The following ERN1 variants were observed in gnomAD, a reference collection of about 807,000 sequenced individuals.
The protein encoded by ERN1 is serine/threonine-protein kinase/endoribonuclease IRE1.
ERN1 carries 39 observed loss-of-function variants against 113.1 expected under a neutral mutation model. The observed-to-expected ratio is 0.34, with a 90% CI of 0.27 to 0.45. The LOEUF (loss-of-function observed/expected upper bound fraction) is 0.45, where lower values mean the gene tolerates loss of function less well. Among genes scored for constraint, ERN1 ranks in the 20% least tolerant of loss-of-function variants. The pLI, the probability that ERN1 is intolerant of heterozygous loss-of-function variation, is 1.00. For synonymous variants in ERN1, 507 were observed against 515.9 expected (o/e 0.98, Z 0.23); for missense variants, 976 against 1,274.8 (o/e 0.77, Z 3.57).
intron 1 of ERN1, among the ~76,000 whole-genome samples, chr17:64,117,861 T>C (rs868614223): frequency 6.6e-6 from 1 of 152,252 alleles, no homozygotes; most frequent in Admixed American, 6.5e-5. Flanking sequence ...ATAATGTATT[T>C]ACCATGCTGT....
intron 12 of ERN1, among the ~76,000 whole-genome samples, chr17:64,056,326 G>C (rs1231937845): frequency 6.6e-6 from 1 of 152,240 alleles, no homozygotes; most frequent in Non-Finnish European, 1.5e-5. Flanking sequence ...TAGCATGGCT[G>C]AGCCAGTGGT....
At chr17:64,070,951 T>C (rs1913394695) in intron 6 of ERN1, among the ~76,000 whole-genome samples, 1 of 152,208 alleles carries the variant, frequency 6.6e-6, no homozygotes, top group Admixed American at 6.5e-5. Context: ...ATATGCCTGA[T>C]GTAGAGAGAC....
At chr17:64,125,575 A>G (rs982624856) in intron 1 of ERN1, among the ~76,000 whole-genome samples, 3 of 152,100 alleles carry the variant, frequency 2.0e-5, no homozygotes, top group African/African-American at 7.2e-5. Context: ...TGCAACCTCT[A>G]CCTCCCAGGT....
At chr17:64,066,333 G>A (rs1017564866) in intron 8 of ERN1, among the ~76,000 whole-genome samples, 1 of 152,048 alleles carries the variant, frequency 6.6e-6, no homozygotes, top group Non-Finnish European at 1.5e-5. Context: ...CAGGGGGAGG[G>A]TCTTGCCATG....
chr17:64,064,927 G>C (rs1045479772), intron 9 of ERN1, among the ~76,000 whole-genome samples: 7 of 152,140 alleles, frequency 4.6e-5, no homozygotes, highest in Admixed American at 4.6e-4. Flanking sequence ...AGGGCATCGT[G>C]GGACTGGATG....
chr17:64,085,418 T>C (rs1395950743), intron 2 of ERN1, among the ~76,000 whole-genome samples: 1 of 152,014 alleles, frequency 6.6e-6, no homozygotes, highest in African/African-American at 2.4e-5. Flanking sequence ...TTAAGAACCA[T>C]CTCTCACAGG....
At chr17:64,050,790 A>G (rs939386581) in intron 17 of ERN1, among the ~76,000 whole-genome samples, 1 of 152,238 alleles carries the variant, frequency 6.6e-6, no homozygotes, top group Non-Finnish European at 1.5e-5. Context: ...TTAAGTTAAA[A>G]TTAAGTGTTA....
intron 4 of ERN1, among the ~76,000 whole-genome samples, chr17:64,078,486 T>C (rs1039258013): frequency 1.1e-4 from 17 of 152,356 alleles, no homozygotes; most frequent in Admixed American, 3.9e-4. Context: ...ATTGATTTTT[T>C]CCTAAATTTA....
At chr17:64,109,001 G>A (rs1006615640) in intron 1 of ERN1, among the ~76,000 whole-genome samples, 2 of 152,092 alleles carry the variant, frequency 1.3e-5, no homozygotes, top group Non-Finnish European at 2.9e-5. Context: ...GCGGGCACCT[G>A]TAATCCCAAT....
intron 17 of ERN1, among the ~76,000 whole-genome samples, chr17:64,052,460 A>G (rs1430963602): frequency 6.6e-6 from 1 of 151,792 alleles, no homozygotes; most frequent in African/African-American, 2.4e-5. Context: ...AGCTGAGATC[A>G]TGCCACTACA....
intron 11 of ERN1, among the ~76,000 whole-genome samples, chr17:64,059,252 C>T (rs1240172353): frequency 6.6e-6 from 1 of 152,204 alleles, no homozygotes; most frequent in African/African-American, 2.4e-5. Flanking sequence ...ATACTGTGCC[C>T]TGGAATCTTG....
intron 3 of ERN1, 42 bp downstream of exon 3, chr17:64,080,733 G>A (rs1567873250): frequency 1.9e-6 from 3 of 1,587,092 alleles, no homozygotes; most frequent in Non-Finnish European, 2.6e-6. Context: ...GAATGAAGAA[G>A]ACTGAATTAA....
intron 2 of ERN1, among the ~76,000 whole-genome samples, chr17:64,086,839 G>C (rs1913947672): frequency 6.6e-6 from 1 of 151,314 alleles, no homozygotes; most frequent in South Asian, 2.1e-4. Flanking sequence ...TAGAGATGGG[G>C]TTTCACCTAT....
intron 1 of ERN1, among the ~76,000 whole-genome samples, chr17:64,123,906 T>C (rs536824675): frequency 2.6e-4 from 40 of 152,340 alleles, no homozygotes; most frequent in South Asian, 1.9e-3. Flanking sequence ...AGAATTAAGC[T>C]GATTGACATA....
chr17:64,115,789 T>C (rs912778728), intron 1 of ERN1, among the ~76,000 whole-genome samples: 5 of 152,170 alleles, frequency 3.3e-5, no homozygotes, highest in Non-Finnish European at 5.9e-5. Context: ...GGGCAAGTCA[T>C]TAGATTTTTC....
intron 8 of ERN1, 42 bp downstream of exon 8, chr17:64,066,629 A>G (rs994504860): frequency 2.5e-6 from 4 of 1,606,794 alleles, no homozygotes; most frequent in Non-Finnish European, 2.6e-6. Context: ...CCAGAACACG[A>G]AGGCCACGGC....
chr17:64,057,017 T>C (rs529727534), intron 12 of ERN1, among the ~76,000 whole-genome samples: 118 of 152,306 alleles, frequency 7.7e-4, no homozygotes, highest in African/African-American at 2.7e-3. Flanking sequence ...ATCCCACCCA[T>C]GGCCTGTTCT....
Position 64,054,119 on chromosome 17 carries a change from T to G in ERN1, c.1953+131A>C. On this transcript the variant is annotated intron_variant, in intron 15 of 21. Coordinates refer to ENST00000433197, the MANE Select transcript of ERN1 (RefSeq NM_001433.5). The surrounding 1 kb of genome is among the most constrained non-coding windows in gnomAD (Gnocchi z 4.9). The stretch of plus-strand genomic sequence containing the variant: ...TAGGCCTGGCTAATTTTTGGTTTCT[T>G]TGTAGAGATGGGGTTTCACCATGTT... 1 of 820,000 alleles carries G rather than the reference T, an allele frequency of 1.2e-6. No homozygotes were observed. Among genetic ancestry groups the G allele is most frequent in the East Asian group, 2.8e-5 (1 of 35,106 alleles). 50.8% of individuals were successfully genotyped at this position (820,000 alleles called of 1,614,324 possible). A position where few individuals can be genotyped will look rare whatever the true frequency, so the allele number is the denominator to read the frequency against.
At chr17:64,082,285 A>G (rs1014698863) in intron 2 of ERN1, among the ~76,000 whole-genome samples, 3 of 152,230 alleles carry the variant, frequency 2.0e-5, no homozygotes, top group Admixed American at 2.0e-4. Flanking sequence ...ACTTTCAGTC[A>G]GTAAGCACAT....
Sources: allele counts gnomAD v4.1 joint callset (sites outside exome capture counted in the v4.1 genomes callset), GRCh38; gene constraint gnomAD v4.1.1; non-coding constraint Gnocchi (gnomAD v3.1); transcripts MANE v1.5; gene names NCBI Gene and HGNC (gene_info 2026-07-23, HGNC 2026-07-21).